The following SGCZ variants were observed in gnomAD, a reference collection of about 807,000 sequenced individuals.
SGCZ encodes the protein sarcoglycan zeta.
Under a neutral mutation model 41.3 loss-of-function variants are expected in SGCZ, and 40 were observed. The observed-to-expected ratio is 0.97, with a 90% CI of 0.75 to 1.26. The LOEUF (loss-of-function observed/expected upper bound fraction) is 1.26. SGCZ is among the 50% of genes most tolerant of loss of function. The probability of loss-of-function intolerance (pLI) is 0.00; values close to 1 mark genes in which losing one functional copy is unlikely to be tolerated. For synonymous variants in SGCZ, 206 were observed against 137.5 expected, an observed-to-expected ratio of 1.50 and a Z score of -3.49; for missense variants, 552 against 369.8, an observed-to-expected ratio of 1.49 and a Z score of -4.04.
At chr8:14,382,108 C>T (rs1255983714) in intron 2 of SGCZ, among the ~76,000 whole-genome samples, 1 of 152,000 alleles carries the variant, frequency 6.6e-6, no homozygotes, top group Non-Finnish European at 1.5e-5. Flanking sequence ...TTTTTCACTA[C>T]ACACTGATGA....
At chr8:15,116,270 G>A (rs555144289) in intron 1 of SGCZ, among the ~76,000 whole-genome samples, 36 of 152,190 alleles carry the variant, frequency 2.4e-4, no homozygotes, top group African/African-American at 8.4e-4. Flanking sequence ...TTGTCTTTTA[G>A]CAGTATTTGG....
chr8:15,192,012 G>A (rs1414559881), intron 1 of SGCZ, among the ~76,000 whole-genome samples: 1 of 151,958 alleles, frequency 6.6e-6, no homozygotes, highest in Non-Finnish European at 1.5e-5. Context: ...TACATCAAGG[G>A]AATGTGGTGA....
chr8:14,203,807 C>G (rs1805531841), intron 4 of SGCZ, among the ~76,000 whole-genome samples: 1 of 152,002 alleles, frequency 6.6e-6, no homozygotes, highest in Non-Finnish European at 1.5e-5. Context: ...TTGAAACATA[C>G]AGTAGGGGCA....
intron 1 of SGCZ, among the ~76,000 whole-genome samples, chr8:15,040,298 T>A (rs1045591900): frequency 6.6e-6 from 1 of 152,184 alleles, no homozygotes; most frequent in Non-Finnish European, 1.5e-5. Flanking sequence ...ACATTAGTCT[T>A]AAATGTCCTA....
chr8:14,561,961 A>G (rs1011996508), intron 1 of SGCZ, among the ~76,000 whole-genome samples: 3 of 152,170 alleles, frequency 2.0e-5, no homozygotes, highest in African/African-American at 4.8e-5. Context: ...GTTTGCTGGT[A>G]AATTTAAAAA....
intron 1 of SGCZ, among the ~76,000 whole-genome samples, chr8:15,156,319 A>G (rs1799329959): frequency 1.3e-5 from 2 of 152,162 alleles, no homozygotes; most frequent in Non-Finnish European, 1.5e-5. Context: ...ACGCAGAAAT[A>G]AGAAATAAAT....
intron 5 of SGCZ, among the ~76,000 whole-genome samples, chr8:14,122,481 G>A (rs1181689197): frequency 6.6e-6 from 1 of 152,158 alleles, no homozygotes; most frequent in Non-Finnish European, 1.5e-5. Context: ...GTTAAGAACA[G>A]TCCATGTAGG....
intron 1 of SGCZ, among the ~76,000 whole-genome samples, chr8:14,810,434 C>G (rs537335990): frequency 1.4e-3 from 205 of 151,646 alleles, no homozygotes; most frequent in Non-Finnish European, 2.4e-3. Context: ...TTTTTTTAAC[C>G]AAATACTTCC....
intron 1 of SGCZ, among the ~76,000 whole-genome samples, chr8:14,777,588 A>G (rs1306414080): frequency 1.3e-5 from 2 of 152,152 alleles, no homozygotes; most frequent in African/African-American, 4.8e-5. Flanking sequence ...ATGCTTCATT[A>G]CTGGTTTGAT....
At chr8:14,795,994 A>T (rs1041646456) in intron 1 of SGCZ, among the ~76,000 whole-genome samples, 4 of 152,118 alleles carry the variant, frequency 2.6e-5, no homozygotes, top group Admixed American at 6.6e-5. Flanking sequence ...GTCCCTGCAA[A>T]GGACAAGATC....
intron 1 of SGCZ, among the ~76,000 whole-genome samples, chr8:15,159,731 G>GCC (rs1177293742): frequency 1.7e-3 from 14 of 8,184 alleles, no homozygotes; most frequent in South Asian, 6.7e-3. Flanking sequence ...CCTCGCCCCC[G>GCC]CCCCCCCCAC....
intron 5 of SGCZ, among the ~76,000 whole-genome samples, chr8:14,137,839 G>A (rs1302598538): frequency 6.6e-6 from 1 of 152,086 alleles, no homozygotes; most frequent in Non-Finnish European, 1.5e-5. Flanking sequence ...ACGCCACAAA[G>A]ATACTCCTCA....
intron 2 of SGCZ, among the ~76,000 whole-genome samples, chr8:14,383,459 TAG>T (rs904914437): frequency 2.6e-4 from 39 of 152,324 alleles, no homozygotes; most frequent in African/African-American, 9.1e-4. Context: ...CCAGGCTAAT[TAG>T]TTTCATGCTT....
intron 1 of SGCZ, among the ~76,000 whole-genome samples, chr8:14,861,575 T>G (rs752918207): frequency 6.6e-6 from 1 of 152,176 alleles, no homozygotes; most frequent in Non-Finnish European, 1.5e-5. Flanking sequence ...TACTAATTTT[T>G]CTTTACATGG....
intron 2 of SGCZ, among the ~76,000 whole-genome samples, chr8:14,369,021 A>ATGTGTGTGTGTG (rs10655274): frequency 0.086 from 12,487 of 145,336 alleles, 584 homozygotes; most frequent in Non-Finnish European, 0.12. Context: ...GCAAATGTAA[A>ATGTGTGTGTGTG]TGTGTGTGTG....
intron 1 of SGCZ, among the ~76,000 whole-genome samples, chr8:14,932,737 T>C (rs1484809293): frequency 1.3e-5 from 2 of 152,178 alleles, no homozygotes; most frequent in African/African-American, 4.8e-5. Context: ...AAAAAATTAA[T>C]AGTCTAAACA....
At chr8:14,568,689 A>C (rs1201251799) in intron 1 of SGCZ, among the ~76,000 whole-genome samples, 1 of 152,202 alleles carries the variant, frequency 6.6e-6, no homozygotes, top group African/African-American at 2.4e-5. Flanking sequence ...TCTTCCTGTC[A>C]GGCATTTTCC....
intron 2 of SGCZ, among the ~76,000 whole-genome samples, chr8:14,469,892 G>T (rs1317074313): frequency 6.6e-6 from 1 of 152,122 alleles, no homozygotes; most frequent in Non-Finnish European, 1.5e-5. Flanking sequence ...CTTGTCCTGT[G>T]AATTTATCTA....
intron 2 of SGCZ, among the ~76,000 whole-genome samples, chr8:14,436,521 A>G (rs1800099015): frequency 6.6e-6 from 1 of 152,172 alleles, no homozygotes; most frequent in African/African-American, 2.4e-5. Flanking sequence ...TAGTGGTAGT[A>G]AGACCATATT....
Sources: allele counts gnomAD v4.1 joint callset (sites outside exome capture counted in the v4.1 genomes callset), GRCh38; gene constraint gnomAD v4.1.1; transcripts MANE v1.5; gene names NCBI Gene and HGNC (gene_info 2026-07-23, HGNC 2026-07-21).